Variants in DPP10 observed in about 807,000 individuals in gnomAD.
The protein encoded by DPP10 is dipeptidyl peptidase like 10.
In DPP10, 33 loss-of-function variants were observed where a neutral mutation model predicts 120.9. The ratio of observed to expected loss-of-function variants is 0.27; its 90% CI spans 0.21 to 0.37. DPP10 has a LOEUF of 0.37. Ranked by LOEUF, DPP10 falls within the 10% of genes least tolerant of loss-of-function variation. The pLI, the probability that DPP10 is intolerant of heterozygous loss-of-function variation, is 1.00. For synonymous variants in DPP10, 337 were observed against 326.1 expected, an observed-to-expected ratio of 1.03 and a Z score of -0.36; for missense variants, 816 against 942.8, an observed-to-expected ratio of 0.87 and a Z score of 1.76.
intron 1 of DPP10, among the ~76,000 whole-genome samples, chr2:115,089,774 A>G (rs539090795): frequency 1.3e-5 from 2 of 152,340 alleles, no homozygotes; most frequent in Admixed American, 6.5e-5. Context: ...GGAACATTTA[A>G]AAGTTCAGAA....
rs1690554900 is a variant in DPP10, at chr2:115,845,629, G to A, written c.*3284G>A. 1 of 152,058 alleles carries A rather than the reference G, an allele frequency of 6.6e-6. No homozygotes were observed. Among genetic ancestry groups the A allele is most frequent in the African/African-American group, 2.4e-5 (1 of 41,404 alleles). The allele number at this position is 152,058 out of a possible 1,614,324, so 9.4% of individuals were successfully genotyped here. ...TGATCACTTTCCAAAATAAACGGCA[G>A]GTGTGCTAGCTGTTGTCTTAGACTC... On this transcript the variant is annotated 3_prime_UTR_variant, in exon 26 of 26. Coordinates refer to ENST00000410059, the MANE Select transcript of DPP10 (RefSeq NM_020868.6).
intron 1 of DPP10, among the ~76,000 whole-genome samples, chr2:115,056,153 C>T (rs1243575725): frequency 1.3e-5 from 2 of 152,092 alleles, no homozygotes; most frequent in South Asian, 2.1e-4. Context: ...ATGTTTATTG[C>T]ATACATACGG....
At chr2:115,345,213 A>G (rs945041582) in intron 3 of DPP10, among the ~76,000 whole-genome samples, 1 of 152,206 alleles carries the variant, frequency 6.6e-6, no homozygotes, top group South Asian at 2.1e-4. Context: ...CGGATAAAGA[A>G]CACAAGGTAG....
At chr2:115,373,928 T>G (rs1231692037) in intron 3 of DPP10, among the ~76,000 whole-genome samples, 3 of 151,602 alleles carry the variant, frequency 2.0e-5, no homozygotes, top group African/African-American at 7.3e-5. Context: ...TGCCAAACAT[T>G]TTTAAACCAT....
At chr2:115,414,885 T>G (rs1180249708) in intron 3 of DPP10, among the ~76,000 whole-genome samples, 1 of 148,976 alleles carries the variant, frequency 6.7e-6, no homozygotes, top group Non-Finnish European at 1.5e-5. Flanking sequence ...AGGAAAAGGC[T>G]TGGAAGGTAA....
chr2:115,815,863 G>A, intron 21 of DPP10, 134 bp downstream of exon 21: 1 of 888,916 alleles, frequency 1.1e-6, no homozygotes, highest in South Asian at 1.7e-5. Flanking sequence ...TATTAACATG[G>A]AAAACCTCAC....
intron 1 of DPP10, among the ~76,000 whole-genome samples, chr2:115,254,651 G>A (rs1313689669): frequency 6.6e-6 from 1 of 152,154 alleles, no homozygotes; most frequent in African/African-American, 2.4e-5. Flanking sequence ...TTACTTCACA[G>A]ATACAATGGG....
intron 5 of DPP10, among the ~76,000 whole-genome samples, chr2:115,575,839 T>A (rs983945275): frequency 6.6e-6 from 1 of 152,068 alleles, no homozygotes; most frequent in Non-Finnish European, 1.5e-5. Context: ...TTCTAAGAGA[T>A]GTAATAAAGC....
Position 114,653,318 on chromosome 2 carries a change from C to A in DPP10, c.60+210480C>A, listed in dbSNP as rs1177584700. On this transcript the variant is annotated intron_variant, in intron 1 of 25. Coordinates refer to ENST00000410059, the MANE Select transcript of DPP10 (RefSeq NM_020868.6). Reference sequence around the variant, plus strand: ...AGTGATGCACCTGTAGCCCTAGAAGCCTCCAGACCTGGAAGAGGCAAGGGA... The same window carrying A: ...AGTGATGCACCTGTAGCCCTAGAAGACTCCAGACCTGGAAGAGGCAAGGGA... Among the ~76,000 whole-genome samples the A allele has an allele frequency of 5.3e-5, 8 of 152,198 alleles. No individual in the cohort carries two copies. The East Asian group carries it at 1.5e-3, about 29-fold the overall frequency.
intron 1 of DPP10, among the ~76,000 whole-genome samples, chr2:115,001,306 T>C (rs1254951889): frequency 6.6e-6 from 1 of 152,194 alleles, no homozygotes; most frequent in African/African-American, 2.4e-5. Flanking sequence ...AATCAGATGA[T>C]TATCTTAATA....
intron 1 of DPP10, among the ~76,000 whole-genome samples, chr2:114,553,468 A>G (rs1272917787): frequency 6.6e-6 from 1 of 152,200 alleles, no homozygotes; most frequent in Non-Finnish European, 1.5e-5. Flanking sequence ...TCTAACCACA[A>G]CTAAGGTGAG....
intron 1 of DPP10, among the ~76,000 whole-genome samples, chr2:114,952,449 T>A (rs1156745925): frequency 6.6e-6 from 1 of 152,098 alleles, no homozygotes; most frequent in African/African-American, 2.4e-5. Context: ...AGTAGCCACG[T>A]GGATTGATAG....
chr2:115,442,054 T>C (rs843405), intron 3 of DPP10, among the ~76,000 whole-genome samples: 70,219 of 151,566 alleles, frequency 0.46, 18,150 homozygotes, highest in African/African-American at 0.68. Context: ...CTTCATGATC[T>C]GCCCGCCTCG....
chr2:114,675,138 C>T (rs1226279417), intron 1 of DPP10, among the ~76,000 whole-genome samples: 1 of 152,104 alleles, frequency 6.6e-6, no homozygotes, highest in Non-Finnish European at 1.5e-5. Flanking sequence ...ACCTCCTCAT[C>T]AGTTTCCTGA....
In DPP10 at chr2:115,309,346, A is replaced by G. The variant is rs1006259596; in HGVS notation, c.168A>G (p.Leu56=). Residue 56 remains leucine, a synonymous_variant, in exon 2 of 26, where the codon TTA becomes TTG. Transcript: ENST00000410059. ...TCATCACTATGTCAGTCATCCTCTT[A>G]ACCCCAGGTAATCTGTCTTTATTCC... ...CSLITMSVIL[L]TPDELTNSSE... 5 of 1,612,918 alleles carry G rather than the reference A, an allele frequency of 3.1e-6. No homozygotes were observed. In the Admixed American group the frequency reaches 6.7e-5, roughly 22 times the overall value.
intron 3 of DPP10, among the ~76,000 whole-genome samples, chr2:115,389,225 C>T (rs1368499498): frequency 6.6e-6 from 1 of 151,772 alleles, no homozygotes; most frequent in Non-Finnish European, 1.5e-5. Context: ...TGCAACATTC[C>T]CTCTGCCTGC....
At chr2:114,673,898 G>A (rs1698506129) in intron 1 of DPP10, among the ~76,000 whole-genome samples, 1 of 151,790 alleles carries the variant, frequency 6.6e-6, no homozygotes, top group Non-Finnish European at 1.5e-5. Flanking sequence ...GCAACTTATG[G>A]ATACTCGAAC....
At chr2:115,470,437 C>A (rs2074631579) in intron 3 of DPP10, among the ~76,000 whole-genome samples, 1 of 152,114 alleles carries the variant, frequency 6.6e-6, no homozygotes, top group African/African-American at 2.4e-5. Flanking sequence ...GCCATCAAAT[C>A]ATAGCATATG....
chr2:115,538,100 T>C (rs978470283), intron 5 of DPP10, among the ~76,000 whole-genome samples: 1 of 151,940 alleles, frequency 6.6e-6, no homozygotes, highest in African/African-American at 2.4e-5. Context: ...GGCACAGCTG[T>C]GATTACAGGT....
Sources: allele counts gnomAD v4.1 joint callset (sites outside exome capture counted in the v4.1 genomes callset), GRCh38; gene constraint gnomAD v4.1.1; transcripts MANE v1.5; gene names NCBI Gene and HGNC (gene_info 2026-07-23, HGNC 2026-07-21).